The following MEGF8 variants were observed in gnomAD, a reference collection of about 807,000 sequenced individuals.
The protein encoded by MEGF8 is multiple epidermal growth factor-like domains protein 8.
In MEGF8, 156 loss-of-function variants were observed where a neutral mutation model predicts 302.9. That is an observed-to-expected ratio of 0.52 (90% CI 0.45 to 0.59). The LOEUF is 0.59. Among genes scored for constraint, MEGF8 ranks in the 20% least tolerant of loss-of-function variants. The pLI, the probability that MEGF8 is intolerant of heterozygous loss-of-function variation, is 0.00. For synonymous variants in MEGF8, 1,621 were observed against 1,660.5 expected (o/e 0.98, Z 0.58); for missense variants, 3,345 against 3,964.5 (o/e 0.84, Z 4.20).
chr19:42,356,776 A>G lies in MEGF8; in HGVS notation c.4625A>G (p.Tyr1542Cys). ...GCTTTTTTGCACCCTGGCCCCAGGTACTCAGTGAGTGAGCGGCGGTGGACA... is the reference window on the plus strand; with the variant it reads ...GCTTTTTTGCACCCTGGCCCCAGGTGCTCAGTGAGTGAGCGGCGGTGGACA... ...PQGLLGNLYR[Y>C]SVSERRWTQM... The change falls in exon 27 of 42, where the codon TAC (tyrosine) becomes TGC (cysteine). Residue 1542 changes from tyrosine (Y) to cysteine (C), a missense_variant and splice_region_variant. By Grantham distance (194) the Tyr-to-Cys change is radical. Coordinates refer to ENST00000251268, the MANE Select transcript of MEGF8 (RefSeq NM_001271938.2). This position sits in a 1 kb window ranked among gnomAD's most constrained non-coding sequence, Gnocchi z 5.2. 6.5e-7 allele frequency: 1 copy of G among 1,547,804 alleles called. No individual in the cohort carries two copies. The highest frequency in any genetic ancestry group is 8.7e-7 in the Non-Finnish European group (1 of 1,144,804).
At chr19:42,327,584 G>T (rs1396140557) in intron 1 of MEGF8, among the ~76,000 whole-genome samples, 3 of 152,198 alleles carry the variant, frequency 2.0e-5, no homozygotes, top group Non-Finnish European at 4.4e-5. Context: ...GAGGCTGTTT[G>T]TTTTCCTTTT....
chr19:42,336,285 G>T lies in MEGF8; in HGVS notation c.1183G>T (p.Val395Leu). The T allele has an allele frequency of 6.2e-7, 1 of 1,608,362 alleles. No individual in the cohort carries two copies. The highest frequency in any genetic ancestry group is 1.1e-5 in the South Asian group (1 of 91,036). ...CCCTGCTGCCACTGGCCACTCCATG[G>T]TGTTCCATGCCCCCTCCCGTGCCCT... ...RPPAATGHSM[V>L]FHAPSRALLV... The change falls in exon 6 of 42, where the codon GTG becomes TTG. Residue 395 changes from valine (V) to leucine (L), a missense_variant. Coordinates refer to ENST00000251268, the MANE Select transcript of MEGF8 (RefSeq NM_001271938.2). This position sits in a 1 kb window ranked among gnomAD's most constrained non-coding sequence, Gnocchi z 4.8.
Position 42,363,094 on chromosome 19 carries a change from G to A in MEGF8, c.6105G>A (p.Thr2035=), listed in dbSNP as rs955822226. Residue 2035 remains threonine (T), a synonymous_variant, in exon 35 of 42, where the codon ACG becomes ACA. Coordinates refer to ENST00000251268, the MANE Select transcript of MEGF8 (RefSeq NM_001271938.2). ...ILSVQPTYDW[T]CFSHSLLNVS... Reference sequence around the variant, plus strand: ...CCGTGCAGCCCACCTATGACTGGACGTGCTTCAGCCACTCTCTGCTGAATG... The same window carrying A: ...CCGTGCAGCCCACCTATGACTGGACATGCTTCAGCCACTCTCTGCTGAATG... 12 of 1,613,428 alleles carry A rather than the reference G, an allele frequency of 7.4e-6. No individual in the cohort carries two copies. Among genetic ancestry groups the A allele is most frequent in the Admixed American group, 1.7e-5 (1 of 59,922 alleles).
At position 42,326,390 on chromosome 19, in the gene MEGF8, C is replaced by G. The variant is rs1330221997; in HGVS notation, c.147C>G (p.Gly49=). 1 of 1,581,634 alleles carries G rather than the reference C, an allele frequency of 6.3e-7. No homozygotes were observed. The highest frequency in any genetic ancestry group is 8.6e-7 in the Non-Finnish European group (1 of 1,166,910). ...CAGGCTTCGTGACGGATGGTGCGGG[C>G]AACTACAGCGTCAATGGCAACTGCG... ...EAPGFVTDGA[G]NYSVNGNCEW... The change falls in exon 1 of 42, where the codon GGC becomes GGG. Residue 49 remains glycine (G), a synonymous_variant. Coordinates refer to ENST00000251268, the MANE Select transcript of MEGF8 (RefSeq NM_001271938.2).
Position 42,360,927 on chromosome 19 carries a change from T to A in MEGF8, c.5641T>A (p.Ser1881Thr). ...GCCCCCTGACCCCTGCCGCCTGCTG[T>A]CCTCACCTGAAGCTTGTAACCAGTC... ...TLPPDPCRLL[S>T]SPEACNQSGA... The change falls in exon 32 of 42, where the codon TCC (serine) becomes ACC (threonine). Residue 1881 changes from serine (S) to threonine (T), a missense_variant. By Grantham distance (58) the Ser-to-Thr change is moderately conservative. Coordinates refer to ENST00000251268, the MANE Select transcript of MEGF8 (RefSeq NM_001271938.2). 1 of 1,611,298 alleles carries A rather than the reference T, an allele frequency of 6.2e-7. No individual in the cohort carries two copies. Among genetic ancestry groups the A allele is most frequent in the Non-Finnish European group, 8.5e-7 (1 of 1,178,440 alleles).
chr19:42,355,149 G>T (rs1002463770), intron 23 of MEGF8, among the ~76,000 whole-genome samples: 67 of 152,090 alleles, frequency 4.4e-4, no homozygotes, highest in African/African-American at 1.6e-3. Flanking sequence ...TAGAGACAGG[G>T]TTTCACCATG....
rs1263014552 is a variant in MEGF8, at chr19:42,358,274, C to T, written c.5142C>T (p.Thr1714=). The T allele has an allele frequency of 3.7e-6, 6 of 1,605,306 alleles. No homozygotes were observed. ...ELYSLHCPDR[T]WSLLAPSQGA... is the part of the protein sequence containing the mutation. ...ACTCCCTGCACTGTCCTGACCGCACCTGGAGTCTGCTGGCCCCTTCTCAGG... is the reference window on the plus strand; with the variant it reads ...ACTCCCTGCACTGTCCTGACCGCACTTGGAGTCTGCTGGCCCCTTCTCAGG... The change falls in exon 29 of 42, where the codon ACC becomes ACT. Residue 1714 remains threonine, a synonymous_variant. Coordinates refer to ENST00000251268, the MANE Select transcript of MEGF8 (RefSeq NM_001271938.2). This position sits in a 1 kb window ranked among gnomAD's most constrained non-coding sequence, Gnocchi z 4.4.
At position 42,368,540 on chromosome 19, in the gene MEGF8, G is replaced by T; in HGVS notation, c.6359G>T (p.Gly2120Val). 1 of 1,603,808 alleles carries T rather than the reference G, an allele frequency of 6.2e-7. No homozygotes were observed. The highest frequency in any genetic ancestry group is 8.5e-7 in the Non-Finnish European group (1 of 1,175,976). The change falls in exon 36 of 42, where the codon GGC (glycine) becomes GTC (valine). Residue 2120 changes from glycine to valine, a missense_variant. Physicochemically the swap from Gly to Val is moderately radical, Grantham distance 109. Transcript: ENST00000251268. This position sits in a 1 kb window ranked among gnomAD's most constrained non-coding sequence, Gnocchi z 4.9. Reference sequence around the variant, plus strand: ...CGGGGACCTGAGAGCTGCTCCCTGGGCTGTGCTCAGGCAACTCAGTGCGCC... The same window carrying T: ...CGGGGACCTGAGAGCTGCTCCCTGGTCTGTGCTCAGGCAACTCAGTGCGCC... ...LLRGPESCSL[G>V]CAQATQCALC...
intron 39 of MEGF8, 51 bp from the exon 40 acceptor site, chr19:42,370,650 G>A (rs2039672437): frequency 4.5e-6 from 7 of 1,564,144 alleles, no homozygotes; most frequent in Non-Finnish European, 5.2e-6. Context: ...TCTGAGGGAG[G>A]AGGGGGTTGG....
chr19:42,351,711 G>A lies in MEGF8; in HGVS notation c.3051G>A (p.Gln1017=). 6.3e-7 allele frequency: 1 copy of A among 1,595,948 alleles called. No individual in the cohort carries two copies. Among genetic ancestry groups the A allele is most frequent in the Non-Finnish European group, 8.5e-7 (1 of 1,171,718 alleles). ...TCCTGACCTGCCATGAGTGTCTGCA[G>A]AGCCACGAGTGTGGCTGGTGTGGCA... ...DGFLTCHECL[Q]SHECGWCGNE... is the part of the protein sequence containing the mutation. The change falls in exon 18 of 42, where the codon CAG becomes CAA. Residue 1017 remains glutamine (Q), a synonymous_variant. Coordinates refer to ENST00000251268, the MANE Select transcript of MEGF8 (RefSeq NM_001271938.2). The surrounding 1 kb of genome is among the most constrained non-coding windows in gnomAD (Gnocchi z 5.6).
At position 42,353,149 on chromosome 19, in the gene MEGF8, C is replaced by T; in HGVS notation, c.3550+22C>T. 6.6e-7 allele frequency: 1 copy of T among 1,520,696 alleles called. No homozygotes were observed. The highest frequency in any genetic ancestry group is 8.8e-7 in the Non-Finnish European group (1 of 1,134,044). The allele number at this position is 1,520,696 out of a possible 1,614,324, so 94.2% of individuals were successfully genotyped here. On this transcript the variant is annotated intron_variant, in intron 20 of 41. Coordinates refer to ENST00000251268, the MANE Select transcript of MEGF8 (RefSeq NM_001271938.2). The surrounding 1 kb of genome is among the most constrained non-coding windows in gnomAD (Gnocchi z 6.1). ...CAGGGTAAGCAGCCCTTGTCCTGGG[C>T]CCAGCCTGGACCCAGGGAGCCTCCT... is the stretch of plus-strand genomic sequence containing the variant.
intron 1 of MEGF8, among the ~76,000 whole-genome samples, chr19:42,328,566 A>G (rs2039014664): frequency 1.7e-5 from 2 of 116,694 alleles, no homozygotes; most frequent in South Asian, 3.0e-4. Flanking sequence ...ACAGAATAGG[A>G]AGTGTGTGTG....
At chr19:42,361,925 A>G (rs2039537192) in intron 32 of MEGF8, among the ~76,000 whole-genome samples, 165 bp from the exon 33 acceptor site, 1 of 152,046 alleles carries the variant, frequency 6.6e-6, no homozygotes, top group South Asian at 2.1e-4. Context: ...TGACAGGTGG[A>G]TGTGGGACCA....
chr19:42,348,190 G>A (rs944366218), intron 12 of MEGF8, 82 bp from the exon 13 acceptor site: 45 of 1,299,320 alleles, frequency 3.5e-5, no homozygotes, highest in Non-Finnish European at 4.6e-5. Flanking sequence ...AAGAAGGTTG[G>A]GTTGACCAGT....
In MEGF8 at chr19:42,348,487, G is replaced by A. The variant is rs1345261021; in HGVS notation, c.2298+15G>A. The A allele has an allele frequency of 6.6e-7, 1 of 1,503,976 alleles. No individual in the cohort carries two copies. Among genetic ancestry groups the A allele is most frequent in the South Asian group, 1.2e-5 (1 of 80,818 alleles). The allele number at this position is 1,503,976 out of a possible 1,614,324, so 93.2% of individuals were successfully genotyped here. On this transcript the variant is annotated intron_variant, in intron 13 of 41. Transcript: ENST00000251268. ...CGGAGAACATGGTGAGGCCGCCTGG[G>A]ACATTCAGGGGGTTGTTTATGGTAA...
chr19:42,333,970 C>A, intron 2 of MEGF8, 37 bp from the exon 3 acceptor site: 4 of 1,591,802 alleles, frequency 2.5e-6, no homozygotes, highest in Non-Finnish European at 3.4e-6. Flanking sequence ...AATCCCCAGG[C>A]CCTGCCCACC....
rs554506062 is a variant in MEGF8, at chr19:42,375,729, G to A, written c.7492G>A (p.Gly2498Arg). 6 of 1,612,056 alleles carry A rather than the reference G, an allele frequency of 3.7e-6. No homozygotes were observed. The highest frequency in any genetic ancestry group is 2.2e-5 in the South Asian group (2 of 90,712). ...DIRLTLDVTF[G>R]AVDLYVSTSY... ...CCGCCTGACGCTGGACGTGACCTTC[G>A]GGGCCGTGGACCTCTATGTCTCCAC... The change falls in exon 42 of 42, where the codon GGG (glycine) becomes AGG (arginine). Residue 2498 changes from glycine to arginine, a missense_variant. Gly to Arg is a moderately radical substitution (Grantham distance 125, BLOSUM62 -2). Transcript: ENST00000251268. This position sits in a 1 kb window ranked among gnomAD's most constrained non-coding sequence, Gnocchi z 7.1.
chr19:42,354,698 C>T lies in MEGF8; in HGVS notation c.4122C>T (p.Pro1374=), dbSNP rs2147482083. 1 of 1,608,174 alleles carries T rather than the reference C, an allele frequency of 6.2e-7. No homozygotes were observed. Among genetic ancestry groups the T allele is most frequent in the Non-Finnish European group, 8.5e-7 (1 of 1,179,546 alleles). The change falls in exon 23 of 42, where the codon CCC becomes CCT. Residue 1374 remains proline, a synonymous_variant. Coordinates refer to ENST00000251268, the MANE Select transcript of MEGF8 (RefSeq NM_001271938.2). This position sits in a 1 kb window ranked among gnomAD's most constrained non-coding sequence, Gnocchi z 4.3. The part of the protein sequence containing the change: ...AAFCGQRRDR[P]LTVQALSGLL... ...TCTGCGGCCAGCGACGGGACAGGCC[C>T]CTCACTGTTCAGGCCCTGTCTGGTA...
chr19:42,327,089 AG>A (rs1482508959), intron 1 of MEGF8, among the ~76,000 whole-genome samples: 1 of 152,234 alleles, frequency 6.6e-6, no homozygotes, highest in Non-Finnish European at 1.5e-5. Context: ...GGATAACAAC[AG>A]TACTCACCTC....
Sources: allele counts gnomAD v4.1 joint callset (sites outside exome capture counted in the v4.1 genomes callset), GRCh38; gene constraint gnomAD v4.1.1; non-coding constraint Gnocchi (gnomAD v3.1); transcripts MANE v1.5; gene names NCBI Gene and HGNC (gene_info 2026-07-23, HGNC 2026-07-21).